Variants in DOCK10 observed in about 807,000 individuals in gnomAD.
DOCK10 encodes the protein dedicator of cytokinesis 10.
In DOCK10, 145 loss-of-function variants were observed where a neutral mutation model predicts 280.1. The ratio of observed to expected loss-of-function variants is 0.52; its 90% CI spans 0.45 to 0.59. The LOEUF is 0.59. Among genes scored for constraint, DOCK10 ranks in the 20% least tolerant of loss-of-function variants. The probability of loss-of-function intolerance (pLI) is 0.00; values close to 1 mark genes in which losing one functional copy is unlikely to be tolerated. For synonymous variants in DOCK10, 915 were observed against 942.2 expected, an observed-to-expected ratio of 0.97 and a Z score of 0.53; for missense variants, 2,368 against 2,651.7, an observed-to-expected ratio of 0.89 and a Z score of 2.35.
intron 1 of DOCK10, among the ~76,000 whole-genome samples, chr2:225,011,444 T>G (rs561855557): frequency 5.3e-5 from 8 of 152,318 alleles, no homozygotes; most frequent in African/African-American, 1.4e-4. Flanking sequence ...CAAATTAAAT[T>G]AACTCTTAGA....
At chr2:224,772,901 C>T (rs965077344) in intron 53 of DOCK10, among the ~76,000 whole-genome samples, 1 of 152,140 alleles carries the variant, frequency 6.6e-6, no homozygotes, top group African/African-American at 2.4e-5. Context: ...CACAGTTATC[C>T]ATAGAAGATG....
rs1447156448 is a variant in DOCK10, at chr2:224,975,673, C to T, written c.124-44005G>A. Among the ~76,000 whole-genome samples, 12 of 152,254 alleles carry T rather than the reference C, an allele frequency of 7.9e-5. No homozygotes were observed. In the East Asian group the frequency reaches 2.1e-3, roughly 27 times the overall value. ...TTTCCATAGTATGTCCCTCTCTGGT[C>T]CTGATTGTATTCATAGGACACAAAT... On this transcript the variant is annotated intron_variant, in intron 1 of 55. Coordinates refer to ENST00000258390, the MANE Select transcript of DOCK10 (RefSeq NM_014689.3).
At chr2:224,887,976 G>A (rs143198211) in intron 4 of DOCK10, among the ~76,000 whole-genome samples, 210 of 152,240 alleles carry the variant, frequency 1.4e-3, no homozygotes, top group African/African-American at 4.6e-3. Context: ...AATGTAGATT[G>A]CTACAAGCAT....
At chr2:224,903,622 T>C (rs1700435239) in intron 3 of DOCK10, among the ~76,000 whole-genome samples, 1 of 152,204 alleles carries the variant, frequency 6.6e-6, no homozygotes, top group Non-Finnish European at 1.5e-5. Flanking sequence ...AACACCTTGG[T>C]ACTATTATGA....
rs754508848 is a variant in DOCK10, at chr2:224,796,944, T to C, written c.4827+20A>G. 46 of 1,607,414 alleles carry C rather than the reference T, an allele frequency of 2.9e-5. No homozygotes were observed. Among genetic ancestry groups the C allele is most frequent in the Non-Finnish European group, 3.9e-5 (46 of 1,175,982 alleles). On this transcript the variant is annotated intron_variant, in intron 43 of 55. Transcript: ENST00000258390. ...TCAGTGGTTTTAACAACAGCATTAA[T>C]GAAAATTGGCAGCACTTACTTGTAA...
intron 3 of DOCK10, among the ~76,000 whole-genome samples, chr2:224,904,394 A>G (rs1700470041): frequency 1.3e-5 from 2 of 152,198 alleles, no homozygotes; most frequent in African/African-American, 2.4e-5. Context: ...ATCTACATGA[A>G]TTTTATTAAG....
intron 29 of DOCK10, among the ~76,000 whole-genome samples, chr2:224,818,978 C>T (rs902098249): frequency 1.3e-5 from 2 of 152,152 alleles, no homozygotes; most frequent in African/African-American, 4.8e-5. Context: ...GCTCCATTAG[C>T]AGCAGTTCAG....
intron 4 of DOCK10, among the ~76,000 whole-genome samples, chr2:224,889,916 T>A (rs1164049309): frequency 1.3e-5 from 2 of 152,198 alleles, no homozygotes; most frequent in Admixed American, 6.5e-5. Flanking sequence ...AATGGTTGAT[T>A]TCAGAGCAAT....
intron 1 of DOCK10, among the ~76,000 whole-genome samples, chr2:225,016,566 T>C (rs1342838270): frequency 1.4e-5 from 2 of 140,698 alleles, no homozygotes; most frequent in Non-Finnish European, 3.1e-5. Flanking sequence ...GATACATATA[T>C]CTATGTGCAC....
At chr2:224,896,862 A>G (rs538368744) in intron 3 of DOCK10, among the ~76,000 whole-genome samples, 50 of 152,342 alleles carry the variant, frequency 3.3e-4, no homozygotes, top group African/African-American at 1.2e-3. Context: ...ATCATTTTCA[A>G]TTTCCCATGG....
intron 41 of DOCK10, among the ~76,000 whole-genome samples, 162 bp from the exon 42 acceptor site, chr2:224,798,131 C>T (rs143208561): frequency 3.5e-4 from 54 of 152,220 alleles, no homozygotes; most frequent in African/African-American, 1.2e-3. Context: ...GTGAAACTTA[C>T]ATAGCAGTGA....
At chr2:224,977,357 T>C (rs1705499717) in intron 1 of DOCK10, among the ~76,000 whole-genome samples, 1 of 152,208 alleles carries the variant, frequency 6.6e-6, no homozygotes, top group African/African-American at 2.4e-5. Context: ...CACTTGCTTT[T>C]CTTTCTCCTC....
chr2:224,908,165 G>GT (rs1292138604), intron 3 of DOCK10, among the ~76,000 whole-genome samples: 1 of 111,724 alleles, frequency 9.0e-6, no homozygotes, highest in Non-Finnish European at 1.9e-5. Flanking sequence ...ATTTAAATGA[G>GT]TTGTGTGTGT....
chr2:224,767,485 C>T (rs1157593565), intron 55 of DOCK10, among the ~76,000 whole-genome samples: 1 of 152,016 alleles, frequency 6.6e-6, no homozygotes, highest in Admixed American at 6.6e-5. Flanking sequence ...TTAAAACTAA[C>T]CCTGGGATTA....
intron 11 of DOCK10, among the ~76,000 whole-genome samples, chr2:224,871,127 G>A (rs13388965): frequency 0.017 from 2,511 of 151,814 alleles, 65 homozygotes; most frequent in African/African-American, 0.056. Flanking sequence ...GTGCCTGGCC[G>A]CCAAACTTGC....
chr2:224,873,666 C>T (rs890455365), intron 11 of DOCK10, among the ~76,000 whole-genome samples: 1 of 142,736 alleles, frequency 7.0e-6, no homozygotes, highest in Non-Finnish European at 1.5e-5. Flanking sequence ...CCATAGGAAA[C>T]TCTAAACCAC....
chr2:224,946,286 A>C (rs952660025), intron 1 of DOCK10, among the ~76,000 whole-genome samples: 1 of 152,256 alleles, frequency 6.6e-6, no homozygotes, highest in African/African-American at 2.4e-5. Flanking sequence ...ACAGCAAAAC[A>C]AAACCAAATC....
At chr2:224,921,826 G>A (rs985049643) in intron 2 of DOCK10, among the ~76,000 whole-genome samples, 8 of 152,022 alleles carry the variant, frequency 5.3e-5, no homozygotes, top group Non-Finnish European at 7.4e-5. Context: ...ACAGCCAGGC[G>A]CTGTGGCTCA....
intron 1 of DOCK10, among the ~76,000 whole-genome samples, chr2:224,963,587 T>G (rs1704566811): frequency 6.6e-6 from 1 of 152,210 alleles, no homozygotes; most frequent in African/African-American, 2.4e-5. Context: ...CAGAGTCAGC[T>G]CATGTGAGAA....
Sources: allele counts gnomAD v4.1 joint callset (sites outside exome capture counted in the v4.1 genomes callset), GRCh38; gene constraint gnomAD v4.1.1; transcripts MANE v1.5; gene names NCBI Gene and HGNC (gene_info 2026-07-23, HGNC 2026-07-21).